Variants in WDR1 observed in about 807,000 individuals in gnomAD.
WDR1 encodes WD repeat domain 1, also known as WD repeat-containing protein 1.
WDR1 carries 21 observed loss-of-function variants against 71.9 expected under a neutral mutation model. That is an observed-to-expected ratio of 0.29 (90% CI 0.21 to 0.42). WDR1 has a LOEUF of 0.42. Ranked by LOEUF, WDR1 falls within the 10% of genes least tolerant of loss-of-function variation. The pLI is 1.00. For missense variants in WDR1, 696 were observed against 824.5 expected (o/e 0.84, Z 1.91); for synonymous variants, 424 against 347.4 (o/e 1.22, Z -2.45).
intron 2 of WDR1, among the ~76,000 whole-genome samples, chr4:10,115,603 C>CA (rs1257314741): frequency 6.6e-6 from 1 of 152,224 alleles, no homozygotes; most frequent in Non-Finnish European, 1.5e-5. Flanking sequence ...GCCAGCAGCT[C>CA]ATTCATTCCA....
At position 10,077,293 on chromosome 4, in the gene WDR1, G is replaced by A. The variant is rs1764835745; in HGVS notation, c.1714+11C>T. 1.9e-6 allele frequency: 3 copies of A among 1,613,742 alleles called. No individual in the cohort carries two copies. The highest frequency in any genetic ancestry group is 2.5e-6 in the Non-Finnish European group (3 of 1,179,832). On this transcript the variant is annotated intron_variant, in intron 14 of 14. Coordinates refer to ENST00000499869, the MANE Select transcript of WDR1 (RefSeq NM_017491.5). ...GGGTGGTCCCTGCCAAGGCCTGGGG[G>A]CGGAAGTCACCTTGGATCTTGACTC... is the stretch of plus-strand genomic sequence containing the variant.
chr4:10,106,927 G>A (rs1174653258), intron 2 of WDR1, among the ~76,000 whole-genome samples: 1 of 152,062 alleles, frequency 6.6e-6, no homozygotes, highest in Non-Finnish European at 1.5e-5. Flanking sequence ...CCCATCAGCT[G>A]GGTCGAGATG....
intron 2 of WDR1, among the ~76,000 whole-genome samples, chr4:10,115,304 T>C (rs1560551298): frequency 6.6e-6 from 1 of 152,094 alleles, no homozygotes; most frequent in Non-Finnish European, 1.5e-5. Flanking sequence ...ACCCCAACAA[T>C]TACAGAGGAA....
At chr4:10,101,063 C>A (rs1489259036) in intron 3 of WDR1, among the ~76,000 whole-genome samples, 1 of 152,270 alleles carries the variant, frequency 6.6e-6, no homozygotes, top group Non-Finnish European at 1.5e-5. Context: ...AAACCACACG[C>A]CTGTCACATG....
rs1391048826 is a variant in WDR1, at chr4:10,078,744, G to A, written c.1395+147C>T. Reference sequence around the variant, plus strand: ...CAGGAGATGGCGTGGCTGGGCCCCAGAGCAGGTCCCACGCCCCGACTGCCC... The same window carrying A: ...CAGGAGATGGCGTGGCTGGGCCCCAAAGCAGGTCCCACGCCCCGACTGCCC... On this transcript the variant is annotated intron_variant, in intron 12 of 14. Coordinates refer to ENST00000499869, the MANE Select transcript of WDR1 (RefSeq NM_017491.5). 3 of 646,058 alleles carry A rather than the reference G, an allele frequency of 4.6e-6. No individual in the cohort carries two copies. The African/African-American group carries it at 5.7e-5, about 12-fold the overall frequency. 40.0% of individuals were successfully genotyped at this position (646,058 alleles called of 1,614,324 possible).
intron 13 of WDR1, 139 bp downstream of exon 13, chr4:10,077,614 C>A (rs753051148): frequency 4.2e-5 from 61 of 1,453,054 alleles, no homozygotes; most frequent in Non-Finnish European, 5.1e-5. Context: ...AAGCATGGCA[C>A]GAGGCACCTG....
At position 10,093,058 on chromosome 4, in the gene WDR1, G is replaced by A. The variant is rs1235245651; in HGVS notation, c.559-4317C>T. On this transcript the variant is annotated intron_variant, in intron 5 of 14. Transcript: ENST00000499869. The stretch of plus-strand genomic sequence containing the variant: ...TCCCTCTCACCACCGAGGAAACCGA[G>A]GCTTGAAGCACTGAGGTCATAATTA... 4.7e-6 allele frequency: 6 copies of A among 1,289,286 alleles called. No individual in the cohort carries two copies. In the South Asian group the frequency reaches 6.2e-5, roughly 13 times the overall value. The allele number at this position is 1,289,286 out of a possible 1,614,324, so 79.9% of individuals were successfully genotyped here.
chr4:10,084,416 G>C, intron 9 of WDR1, 27 bp downstream of exon 9: 1 of 1,607,580 alleles, frequency 6.2e-7, no homozygotes, highest in Non-Finnish European at 8.5e-7. Flanking sequence ...AGCGGCTCCG[G>C]AGCCAGCTCT....
rs114268728 is a variant in WDR1, at chr4:10,089,965, G to T, written c.559-1224C>A. On this transcript the variant is annotated intron_variant, in intron 5 of 14. Coordinates refer to ENST00000499869, the MANE Select transcript of WDR1 (RefSeq NM_017491.5). ...AGTCCAGTTAAAATGAGGTCATTAG[G>T]GCAGGCTGTAAATCCAGCAGGACTT... Among the ~76,000 whole-genome samples, 483 of 152,268 alleles carry T rather than the reference G, an allele frequency of 3.2e-3. 2 individuals carry two copies. The highest frequency in any genetic ancestry group is 0.011 in the African/African-American group (437 of 41,538).
intron 2 of WDR1, among the ~76,000 whole-genome samples, chr4:10,112,998 G>A (rs919872959): frequency 1.3e-5 from 2 of 152,228 alleles, no homozygotes; most frequent in African/African-American, 4.8e-5. Context: ...AAGACAGAAG[G>A]CCGGGGATGG....
Position 10,077,320 on chromosome 4 carries a change from G to A in WDR1, c.1698C>T (p.Thr566=), listed in dbSNP as rs376351237. 1 of 1,614,002 alleles carries A rather than the reference G, an allele frequency of 6.2e-7. No individual in the cohort carries two copies. The highest frequency in any genetic ancestry group is 1.7e-5 in the Admixed American group (1 of 60,026). The part of the protein sequence containing the change: ...VYVWTLSDPE[T]RVKIQDAHRL... ...GGAAGTCACCTTGGATCTTGACTCT[G>A]GTTTCCGGGTCACTCAGGGTCCAAA... The change falls in exon 14 of 15, where the codon ACC becomes ACT. Residue 566 remains threonine (T), a synonymous_variant. Transcript: ENST00000499869.
intron 13 of WDR1, 40 bp downstream of exon 13, chr4:10,077,713 G>A (rs778664025): frequency 1.6e-5 from 25 of 1,523,078 alleles, no homozygotes; most frequent in African/African-American, 4.1e-5. Flanking sequence ...CACCTGCACC[G>A]CCCAGCACGG....
intron 8 of WDR1, among the ~76,000 whole-genome samples, chr4:10,086,307 C>A (rs564560816): frequency 6.6e-6 from 1 of 152,164 alleles, no homozygotes; most frequent in African/African-American, 2.4e-5. Context: ...AGCAAGGAGG[C>A]GCTCCCGATT....
rs550042018 is a variant in WDR1 at position 10,079,334 on chromosome 4, T to A, written c.1285-333A>T. Reference sequence around the variant, plus strand: ...TCAACGTTCAGGGTAAGAAAGGTACTAACAACAGTAAACAAAAACAGCGAC... The same window carrying A: ...TCAACGTTCAGGGTAAGAAAGGTACAAACAACAGTAAACAAAAACAGCGAC... On this transcript the variant is annotated intron_variant, in intron 11 of 14. Transcript: ENST00000499869. Among the ~76,000 whole-genome samples, 82 of 152,352 alleles carry A rather than the reference T, an allele frequency of 5.4e-4. 1 individual carries two copies. The highest frequency in any genetic ancestry group is 2.0e-3 in the African/African-American group (82 of 41,574).
intron 3 of WDR1, among the ~76,000 whole-genome samples, chr4:10,100,547 G>A (rs1164469339): frequency 6.6e-6 from 1 of 152,238 alleles, no homozygotes; most frequent in African/African-American, 2.4e-5. Context: ...TCTGAGATGA[G>A]GGAGATGCAC....
chr4:10,086,032 T>G (rs1711528754), intron 8 of WDR1, among the ~76,000 whole-genome samples: 1 of 152,200 alleles, frequency 6.6e-6, no homozygotes, highest in South Asian at 2.1e-4. Context: ...AAGAGCACTC[T>G]CAGGGCAGCC....
chr4:10,095,243 TG>T (rs1204960680), intron 5 of WDR1, among the ~76,000 whole-genome samples: 1 of 152,252 alleles, frequency 6.6e-6, no homozygotes, highest in South Asian at 2.1e-4. Flanking sequence ...ATGAAAGATC[TG>T]GGGAAAAAAG....
At chr4:10,107,446 G>A (rs746142367) in intron 2 of WDR1, among the ~76,000 whole-genome samples, 20 of 152,150 alleles carry the variant, frequency 1.3e-4, no homozygotes, top group Admixed American at 2.0e-4. Flanking sequence ...ATTACCTCAC[G>A]GTCCGGCTTG....
At chr4:10,075,509 C>G (rs114370216) in intron 14 of WDR1, 25 bp from the exon 15 acceptor site, 1 of 1,608,708 alleles carries the variant, frequency 6.2e-7, no homozygotes, top group African/African-American at 1.3e-5. Flanking sequence ...TGCAATTTAA[C>G]GAAAAGCCAA....
Sources: allele counts gnomAD v4.1 joint callset (sites outside exome capture counted in the v4.1 genomes callset), GRCh38; gene constraint gnomAD v4.1.1; transcripts MANE v1.5; gene names NCBI Gene and HGNC (gene_info 2026-07-23, HGNC 2026-07-21).